The following PCDHGA2 variants were observed in gnomAD, a reference collection of about 807,000 sequenced individuals.
PCDHGA2 encodes the protein protocadherin gamma-A2.
A neutral mutation model predicts 59.2 loss-of-function variants in PCDHGA2; 40 were observed. That is an observed-to-expected ratio of 0.68 (90% CI 0.52 to 0.88). The LOEUF (loss-of-function observed/expected upper bound fraction) is 0.88. Among genes scored for constraint, PCDHGA2 ranks in the 40% least tolerant of loss-of-function variants. The probability of loss-of-function intolerance (pLI) is 0.00; values close to 1 mark genes in which losing one functional copy is unlikely to be tolerated. For synonymous variants in PCDHGA2, 560 were observed against 526.0 expected (o/e 1.06, Z -0.89); for missense variants, 1,226 against 1,204.0 (o/e 1.02, Z -0.27).
chr5:141,494,446 G>C (rs1046119515), intron 1 of PCDHGA2, among the ~76,000 whole-genome samples: 2 of 152,172 alleles, frequency 1.3e-5, no homozygotes, highest in African/African-American at 4.8e-5. Context: ...TGCCACTTTA[G>C]GGGGCTTTGT....
intron 1 of PCDHGA2, among the ~76,000 whole-genome samples, chr5:141,407,446 C>T (rs1314408901): frequency 6.7e-6 from 1 of 149,410 alleles, no homozygotes. Context: ...AACCAGAACA[C>T]GAGGCTCACC....
Position 141,485,168 on chromosome 5 carries a change from G to A in PCDHGA2, c.2425-9639G>A. The A allele has an allele frequency of 6.2e-7, 1 of 1,608,668 alleles. No individual in the cohort carries two copies. Among genetic ancestry groups the A allele is most frequent in the Non-Finnish European group, 8.5e-7 (1 of 1,175,736 alleles). ...GGAGCAAGTAGAGAATTAGCGGGCG[G>A]CAGCAATGCTCCGCAAGGTGAGAAG... is the stretch of plus-strand genomic sequence containing the variant. On this transcript the variant is annotated intron_variant, in intron 1 of 3. Coordinates refer to ENST00000394576, the MANE Select transcript of PCDHGA2 (RefSeq NM_018915.4). This position sits in a 1 kb window ranked among gnomAD's most constrained non-coding sequence, Gnocchi z 5.7.
chr5:141,387,766 T>G, intron 1 of PCDHGA2: 1 of 1,434,120 alleles, frequency 7.0e-7, no homozygotes, highest in Non-Finnish European at 9.3e-7. Context: ...AAAGAAGAAT[T>G]TTTTCTTGAA....
chr5:141,350,353 C>G (rs879584256), intron 1 of PCDHGA2: 4 of 1,563,430 alleles, frequency 2.6e-6, no homozygotes, highest in South Asian at 1.2e-5. Context: ...CCCAGCAGAT[C>G]CGATACACGA....
In PCDHGA2 at chr5:141,361,776, C is replaced by A. The variant is rs1291853084; in HGVS notation, c.2424+20381C>A. On this transcript the variant is annotated intron_variant, in intron 1 of 3. Transcript: ENST00000394576. ...CGCCCGCGCTCAGCGCCAACGTGAGCCTGCGCGTGTTAGTGGGCGACCTCA... is the reference window on the plus strand; with the variant it reads ...CGCCCGCGCTCAGCGCCAACGTGAGACTGCGCGTGTTAGTGGGCGACCTCA... 1.9e-6 allele frequency: 3 copies of A among 1,613,110 alleles called. No homozygotes were observed. In the East Asian group the frequency reaches 6.7e-5, roughly 36 times the overall value.
chr5:141,439,410 A>T (rs2098110832), intron 1 of PCDHGA2, among the ~76,000 whole-genome samples: 1 of 152,220 alleles, frequency 6.6e-6, no homozygotes, highest in African/African-American at 2.4e-5. Context: ...TGCTAACATC[A>T]CTGAGGTTAT....
At chr5:141,381,078 T>C (rs1776973656) in intron 1 of PCDHGA2, among the ~76,000 whole-genome samples, 1 of 152,250 alleles carries the variant, frequency 6.6e-6, no homozygotes, top group African/African-American at 2.4e-5. Flanking sequence ...ATGGATTATT[T>C]TGATAGATCA....
At chr5:141,367,190 T>C (rs1025427411) in intron 1 of PCDHGA2, 2 of 158,754 alleles carry the variant, frequency 1.3e-5, no homozygotes, top group South Asian at 1.8e-4. Flanking sequence ...AAGGAAATAA[T>C]TTACAGTATT....
intron 1 of PCDHGA2, chr5:141,344,105 C>T (rs199763392): frequency 6.2e-7 from 1 of 1,613,834 alleles, no homozygotes; most frequent in South Asian, 1.1e-5. Flanking sequence ...GGACGCTGTG[C>T]GAAACAGGAT....
intron 1 of PCDHGA2, among the ~76,000 whole-genome samples, chr5:141,456,006 T>C (rs909931677): frequency 6.6e-6 from 1 of 151,852 alleles, no homozygotes; most frequent in Non-Finnish European, 1.5e-5. Flanking sequence ...CATGCCATTC[T>C]CCTGCCTCAG....
At chr5:141,391,149 G>C (rs1487749660) in intron 1 of PCDHGA2, 1 of 152,032 alleles carries the variant, frequency 6.6e-6, no homozygotes, top group Non-Finnish European at 1.5e-5. Context: ...CTCTAGGAAA[G>C]AAATATAGTC....
chr5:141,415,277 T>A lies in PCDHGA2; in HGVS notation c.2424+73882T>A, dbSNP rs533281226. 42 of 1,614,216 alleles carry A rather than the reference T, an allele frequency of 2.6e-5. No individual in the cohort carries two copies. In the South Asian group the frequency reaches 4.4e-4, roughly 17 times the overall value. On this transcript the variant is annotated intron_variant, in intron 1 of 3. Coordinates refer to ENST00000394576, the MANE Select transcript of PCDHGA2 (RefSeq NM_018915.4). Reference sequence around the variant, plus strand: ...CTCACTCTGTACCTGGTGGTAGCGGTGGCCGCGGTCTCCTGCGTCTTCCTG... The same window carrying A: ...CTCACTCTGTACCTGGTGGTAGCGGAGGCCGCGGTCTCCTGCGTCTTCCTG...
At chr5:141,388,710 G>T in intron 1 of PCDHGA2, 1 of 1,613,966 alleles carries the variant, frequency 6.2e-7, no homozygotes, top group Non-Finnish European at 8.5e-7. Context: ...TGTCAATGCC[G>T]AGATTACTTT....
chr5:141,356,800 G>C, intron 1 of PCDHGA2: 2 of 1,614,046 alleles, frequency 1.2e-6, no homozygotes, highest in Non-Finnish European at 1.7e-6. Flanking sequence ...GCTGATGACA[G>C]CCAGTGACAG....
chr5:141,420,065 G>A (rs1253164840), intron 1 of PCDHGA2: 4 of 1,614,018 alleles, frequency 2.5e-6, no homozygotes, highest in Non-Finnish European at 3.4e-6. Flanking sequence ...CTCCAAGTCC[G>A]GACCTGTGGG....
chr5:141,361,668 C>CG, intron 1 of PCDHGA2: 1 of 1,613,670 alleles, frequency 6.2e-7, no homozygotes, highest in Non-Finnish European at 8.5e-7. Context: ...GCGCGCAGAG[C>CG]GGGGTGGTGT....
intron 1 of PCDHGA2, among the ~76,000 whole-genome samples, chr5:141,368,915 A>G (rs1765921156): frequency 6.6e-6 from 1 of 152,228 alleles, no homozygotes; most frequent in Non-Finnish European, 1.5e-5. Context: ...TAAAGGTGAC[A>G]ATGAGTGTCT....
intron 1 of PCDHGA2, chr5:141,375,270 A>T (rs1771295281): frequency 6.2e-7 from 1 of 1,613,754 alleles, no homozygotes. Flanking sequence ...GAATTGGAAA[A>T]ATCAGTTGGC....
chr5:141,399,814 C>T, intron 1 of PCDHGA2: 2 of 1,613,238 alleles, frequency 1.2e-6, no homozygotes, highest in Non-Finnish European at 1.7e-6. Context: ...GTACCCCGCG[C>T]TGGGTCCCGA....
Sources: gnomAD v4.1 joint callset for allele counts (sites outside exome capture counted in the v4.1 genomes callset) on GRCh38, gnomAD v4.1.1 for gene constraint, Gnocchi (gnomAD v3.1) non-coding constraint, MANE v1.5 for transcripts, NCBI Gene and HGNC (gene_info 2026-07-23, HGNC 2026-07-21) for gene names.